Variants in PPP1R2 observed in about 807,000 individuals in gnomAD.
PPP1R2 encodes the protein protein phosphatase 1 regulatory inhibitor subunit 2.
Under a neutral mutation model 29.9 loss-of-function variants are expected in PPP1R2, and 16 were observed. The observed-to-expected ratio is 0.53, with a 90% CI of 0.36 to 0.81. PPP1R2 has a LOEUF of 0.81. PPP1R2 is among the 30% of genes least tolerant of loss of function. PPP1R2 has a pLI of 0.00. For synonymous variants in PPP1R2, 76 were observed against 91.5 expected, an observed-to-expected ratio of 0.83 and a Z score of 0.96; for missense variants, 197 against 252.7, an observed-to-expected ratio of 0.78 and a Z score of 1.49.
rs1414063915 is a variant in PPP1R2 at position 195,518,895 on chromosome 3, G to A, written c.571+123C>T. The stretch of plus-strand genomic sequence containing the variant: ...GCGGGTTAAAACTTTAGAAACATTT[G>A]GTATAATAAAGCGAATCTCAGCAAA... On this transcript the variant is annotated intron_variant, in intron 5 of 5. Coordinates refer to ENST00000618156, the MANE Select transcript of PPP1R2 (RefSeq NM_006241.8). 5 of 1,409,648 alleles carry A rather than the reference G, an allele frequency of 3.5e-6. No homozygotes were observed. In the African/African-American group the frequency reaches 7.4e-5, roughly 21 times the overall value. The allele number at this position is 1,409,648 out of a possible 1,614,324, so 87.3% of individuals were successfully genotyped here. A position where few individuals can be genotyped will look rare whatever the true frequency, so the allele number is the denominator to read the frequency against.
Position 195,529,820 on chromosome 3 carries a change from T to C in PPP1R2, c.204A>G (p.Ile68Met). 1 of 1,608,044 alleles carries C rather than the reference T, an allele frequency of 6.2e-7. No individual in the cohort carries two copies. Among genetic ancestry groups the C allele is most frequent in the Non-Finnish European group, 8.5e-7 (1 of 1,178,020 alleles). Residue 68 changes from isoleucine (I) to methionine (M), a missense_variant, in exon 2 of 6, where the codon ATA (isoleucine) becomes ATG (methionine). Physicochemically the swap from Ile to Met is conservative, Grantham distance 10. This residue lies in a region of PPP1R2 where 135 missense variants were observed against 163.0 expected (regional missense o/e 0.83). Coordinates refer to ENST00000618156, the MANE Select transcript of PPP1R2 (RefSeq NM_006241.8). The part of the protein sequence containing the change: ...PADKDYGLMK[I>M]DEPSTPYHSM... ...TATGGTAAGGAGTGCTTGGTTCATC[T>C]ATTTTCATTAAACCATAGTCTTTGT...
At chr3:195,542,140 A>C (rs964233304) in intron 1 of PPP1R2, among the ~76,000 whole-genome samples, 1 of 152,182 alleles carries the variant, frequency 6.6e-6, no homozygotes, top group African/African-American at 2.4e-5. Flanking sequence ...TCCGTGCATA[A>C]ACGCCTACCT....
intron 5 of PPP1R2, 79 bp from the exon 6 acceptor site, chr3:195,517,021 C>T: frequency 2.7e-6 from 3 of 1,092,716 alleles, no homozygotes; most frequent in East Asian, 2.4e-5. Context: ...TATTAGCATG[C>T]ATGACAAGCA....
chr3:195,528,700 CTATTTTTTTTTT>C (rs1719069122), intron 2 of PPP1R2: 6 of 76,646 alleles, frequency 7.8e-5, no homozygotes, highest in South Asian at 5.3e-4. Context: ...TAGGGCATAA[CTATTTTTTTTTT>C]TTTTTTTTTT....
chr3:195,521,275 A>G (rs891297001), intron 4 of PPP1R2, among the ~76,000 whole-genome samples: 3 of 130,388 alleles, frequency 2.3e-5, no homozygotes, highest in East Asian at 2.5e-4. Context: ...AGATCGCGCC[A>G]CTGCACTCCA....
intron 1 of PPP1R2, among the ~76,000 whole-genome samples, chr3:195,539,557 C>A: frequency 6.6e-6 from 1 of 152,026 alleles, no homozygotes; most frequent in East Asian, 1.9e-4. Context: ...ACAAAAAATA[C>A]AAAAATTAGC....
Position 195,515,450 on chromosome 3 carries a change from C to T in PPP1R2, c.*1446G>A, listed in dbSNP as rs1056233203. ...AATATACAGACGTTATTTTAGAAGTCTGTTCATATAACAGATTATTTTGGT... is the reference window on the plus strand; with the variant it reads ...AATATACAGACGTTATTTTAGAAGTTTGTTCATATAACAGATTATTTTGGT... On this transcript the variant is annotated 3_prime_UTR_variant, in exon 6 of 6. Coordinates refer to ENST00000618156, the MANE Select transcript of PPP1R2 (RefSeq NM_006241.8). 1 of 152,502 alleles carries T rather than the reference C, an allele frequency of 6.6e-6. No individual in the cohort carries two copies. Among genetic ancestry groups the T allele is most frequent in the Non-Finnish European group, 1.5e-5 (1 of 67,994 alleles). The allele number at this position is 152,502 out of a possible 1,614,324, so 9.4% of individuals were successfully genotyped here.
Position 195,529,859 on chromosome 3 carries a change from C to T in PPP1R2, c.165G>A (p.Thr55=), listed in dbSNP as rs115915080. 2,097 of 1,611,554 alleles carry T rather than the reference C, an allele frequency of 1.3e-3. 18 individuals are homozygous for T. The African/African-American group carries it at 0.021, about 16-fold the overall frequency. The change falls in exon 2 of 6, where the codon ACG becomes ACA. Residue 55 remains threonine (T), a synonymous_variant. Transcript: ENST00000618156. ...CATAGTCTTTGTCTGCTGGATGATA[C>T]GTCGCCAAGATGTTCATTTCATCCC... The part of the protein sequence containing the change: ...QKWDEMNILA[T]YHPADKDYGL...
chr3:195,519,627 A>G (rs1718678590), intron 4 of PPP1R2: 1 of 152,294 alleles, frequency 6.6e-6, no homozygotes, highest in African/African-American at 2.4e-5. Flanking sequence ...AAGTAGTTTT[A>G]ATATTTTATT....
chr3:195,524,985 TTAACA>T (rs1381554938), intron 2 of PPP1R2, 89 bp from the exon 3 acceptor site: 13 of 1,035,206 alleles, frequency 1.3e-5, no homozygotes, highest in African/African-American at 7.9e-5. Context: ...ATCAACCTAC[TTAACA>T]TATCAATATA....
At chr3:195,519,277 C>T (rs1286656998) in intron 4 of PPP1R2, 92 bp from the exon 5 acceptor site, 1 of 985,118 alleles carries the variant, frequency 1.0e-6, no homozygotes. Flanking sequence ...AACAGTGATG[C>T]TCATTTGTTT....
chr3:195,520,857 C>T (rs1008969050), intron 4 of PPP1R2, among the ~76,000 whole-genome samples: 27 of 151,576 alleles, frequency 1.8e-4, no homozygotes, highest in African/African-American at 5.8e-4. Context: ...TTACTAGAGA[C>T]GGGGTTTCAC....
chr3:195,537,733 TC>T (rs1417698139), intron 1 of PPP1R2, among the ~76,000 whole-genome samples: 1 of 151,956 alleles, frequency 6.6e-6, no homozygotes, highest in Non-Finnish European at 1.5e-5. Context: ...AATTTTAAGT[TC>T]TAAATATTCA....
intron 1 of PPP1R2, among the ~76,000 whole-genome samples, chr3:195,537,481 T>TTTTTTTTTTGTGTGTGTGTG (rs150119072): frequency 7.8e-6 from 1 of 128,516 alleles, no homozygotes; most frequent in African/African-American, 3.0e-5. Context: ...GGATTAGCTA[T>TTTTTTTTTTGTGTGTGTGTG]TGTGTGTGTG....
chr3:195,542,014 T>C (rs1253069059), intron 1 of PPP1R2, among the ~76,000 whole-genome samples: 1 of 152,216 alleles, frequency 6.6e-6, no homozygotes, highest in East Asian at 1.9e-4. Flanking sequence ...ATTTCAATGG[T>C]AACTTTTCTT....
At chr3:195,529,971 ATGTCCAAATTTAACATTTCAACTTCTATT>A (rs1177089065) in intron 1 of PPP1R2, 70 bp from the exon 2 acceptor site, 3 of 1,096,948 alleles carry the variant, frequency 2.7e-6, no homozygotes, top group Non-Finnish European at 4.0e-6. Flanking sequence ...AAATTCACAA[ATGTCCAAATTTAACATTTCAACTTCTATT>A]TGATGGCCAA....
intron 2 of PPP1R2, among the ~76,000 whole-genome samples, chr3:195,526,785 T>C (rs997798917): frequency 2.0e-5 from 3 of 152,080 alleles, no homozygotes; most frequent in Non-Finnish European, 2.9e-5. Flanking sequence ...TGGATAATTT[T>C]ACTTTTTTTA....
chr3:195,534,875 G>T (rs951632189), intron 1 of PPP1R2, among the ~76,000 whole-genome samples: 2 of 152,144 alleles, frequency 1.3e-5, no homozygotes, highest in Non-Finnish European at 2.9e-5. Flanking sequence ...ACCTTTTAAA[G>T]TTGTTTTGAT....
intron 1 of PPP1R2, among the ~76,000 whole-genome samples, chr3:195,536,347 A>G (rs1181326870): frequency 6.6e-6 from 1 of 151,040 alleles, no homozygotes; most frequent in African/African-American, 2.4e-5. Flanking sequence ...GAGACACCGC[A>G]CCCAGCCAGT....
Sources: allele counts gnomAD v4.1 joint callset (sites outside exome capture counted in the v4.1 genomes callset), GRCh38; gene constraint gnomAD v4.1.1; regional missense constraint gnomAD v4.1.1; transcripts MANE v1.5; gene names NCBI Gene and HGNC (gene_info 2026-07-23, HGNC 2026-07-21).